CDH10: variants seen among roughly 807,000 people sequenced by gnomAD.
The protein encoded by CDH10 is cadherin-10.
In CDH10, 30 loss-of-function variants were observed where a neutral mutation model predicts 73.1. The ratio of observed to expected loss-of-function variants is 0.41; its 90% CI spans 0.31 to 0.56. The LOEUF (loss-of-function observed/expected upper bound fraction) is 0.56. CDH10 is among the 20% of genes least tolerant of loss of function. The pLI is 0.27. For missense variants in CDH10, 815 were observed against 973.7 expected, an observed-to-expected ratio of 0.84 and a Z score of 2.17; for synonymous variants, 345 against 348.2, an observed-to-expected ratio of 0.99 and a Z score of 0.10.
At chr5:24,518,459 G>A (rs952054283) in intron 5 of CDH10, among the ~76,000 whole-genome samples, 26 of 151,728 alleles carry the variant, frequency 1.7e-4, no homozygotes, top group Non-Finnish European at 7.4e-5. Flanking sequence ...ATATATACAT[G>A]CATATACATA....
In CDH10 at chr5:24,535,256, T is replaced by G. The variant is rs1743910556; in HGVS notation, c.670A>C (p.Asn224His). 6.2e-7 allele frequency: 1 copy of G among 1,613,038 alleles called. No individual in the cohort carries two copies. The highest frequency in any genetic ancestry group is 1.1e-5 in the South Asian group (1 of 90,928). ...ETGIIRTALP[N>H]MNRENREQYQ... ...TGCTCTCTGTTTTCTCTGTTCATGT[T>G]CGGTAAAGCAGTCCTGATGATACCT... Residue 224 changes from asparagine to histidine, a missense_variant, in exon 5 of 12, where the codon AAC (asparagine) becomes CAC (histidine). Coordinates refer to ENST00000264463, the MANE Select transcript of CDH10 (RefSeq NM_006727.5).
chr5:24,606,857 T>C (rs1746780784), intron 1 of CDH10, among the ~76,000 whole-genome samples: 1 of 152,178 alleles, frequency 6.6e-6, no homozygotes, highest in South Asian at 2.1e-4. Context: ...AAATGTTATT[T>C]AGATCAATGG....
chr5:24,559,582 T>C lies in CDH10; in HGVS notation c.232-21908A>G, dbSNP rs530452637. ...AAATGTTTTTGGTCAACTGAAAACA[T>C]GGGAAAAAAGAGAAAAATAGGTTTG... On this transcript the variant is annotated intron_variant, in intron 2 of 11. Transcript: ENST00000264463. Among the ~76,000 whole-genome samples, 4 of 152,052 alleles carry C rather than the reference T, an allele frequency of 2.6e-5. No homozygotes were observed. The East Asian group carries it at 5.8e-4, about 22-fold the overall frequency.
chr5:24,525,477 G>A (rs768289758), intron 5 of CDH10, among the ~76,000 whole-genome samples: 1 of 152,024 alleles, frequency 6.6e-6, no homozygotes, highest in African/African-American at 2.4e-5. Context: ...AATTATGCAC[G>A]TTTATAAACC....
At chr5:24,636,214 T>A (rs1747863470) in intron 1 of CDH10, among the ~76,000 whole-genome samples, 1 of 151,938 alleles carries the variant, frequency 6.6e-6, no homozygotes, top group Non-Finnish European at 1.5e-5. Flanking sequence ...GATGTAAGTA[T>A]AATTATTAAC....
intron 1 of CDH10, among the ~76,000 whole-genome samples, chr5:24,626,014 T>C (rs1381812414): frequency 6.6e-6 from 1 of 152,106 alleles, no homozygotes; most frequent in Non-Finnish European, 1.5e-5. Flanking sequence ...ATAATGTTGC[T>C]GGAACACATG....
intron 1 of CDH10, among the ~76,000 whole-genome samples, chr5:24,618,627 G>C (rs1267085628): frequency 6.6e-6 from 1 of 152,148 alleles, no homozygotes; most frequent in Non-Finnish European, 1.5e-5. Flanking sequence ...AACTGATTAA[G>C]CGAATAGTCC....
intron 2 of CDH10, among the ~76,000 whole-genome samples, chr5:24,539,504 G>T (rs570906956): frequency 1.3e-5 from 2 of 152,018 alleles, no homozygotes; most frequent in South Asian, 4.2e-4. Flanking sequence ...TTTGGTTAAT[G>T]GAAGTAGTAA....
intron 1 of CDH10, among the ~76,000 whole-genome samples, chr5:24,595,558 G>T (rs772755349): frequency 1.3e-5 from 2 of 151,876 alleles, no homozygotes; most frequent in Non-Finnish European, 2.9e-5. Flanking sequence ...AACTCAAATT[G>T]ATTGGATTCT....
At chr5:24,551,179 C>T (rs943486169) in intron 2 of CDH10, among the ~76,000 whole-genome samples, 9 of 152,124 alleles carry the variant, frequency 5.9e-5, no homozygotes, top group Admixed American at 1.3e-4. Context: ...AAATATGCTA[C>T]ACTTATTTCT....
At chr5:24,623,080 T>C (rs1459522429) in intron 1 of CDH10, among the ~76,000 whole-genome samples, 1 of 152,046 alleles carries the variant, frequency 6.6e-6, no homozygotes, top group African/African-American at 2.4e-5. Context: ...CCGCCAGAAA[T>C]GAGAATTATT....
intron 1 of CDH10, among the ~76,000 whole-genome samples, chr5:24,637,453 A>G (rs1239229431): frequency 6.6e-6 from 1 of 151,974 alleles, no homozygotes; most frequent in African/African-American, 2.4e-5. Flanking sequence ...TTAGAGCACA[A>G]CTACTGATAT....
intron 11 of CDH10, 96 bp downstream of exon 11, chr5:24,491,480 G>T (rs2111633959): frequency 4.2e-6 from 4 of 946,180 alleles, no homozygotes; most frequent in Non-Finnish European, 6.4e-6. Context: ...CTTAAAATTT[G>T]GGGTGGTTTT....
chr5:24,566,830 T>G (rs1745181627), intron 2 of CDH10, among the ~76,000 whole-genome samples: 1 of 151,990 alleles, frequency 6.6e-6, no homozygotes, highest in Admixed American at 6.5e-5. Context: ...GCGCTAACTA[T>G]AAAAAAATAA....
chr5:24,623,738 G>C (rs1327623786), intron 1 of CDH10, among the ~76,000 whole-genome samples: 1 of 152,120 alleles, frequency 6.6e-6, no homozygotes, highest in Non-Finnish European at 1.5e-5. Context: ...GCAAGTAGAA[G>C]GCAGTGCTGA....
At chr5:24,494,718 T>C (rs1457747835) in intron 9 of CDH10, among the ~76,000 whole-genome samples, 2 of 152,018 alleles carry the variant, frequency 1.3e-5, no homozygotes, top group Non-Finnish European at 2.9e-5. Flanking sequence ...AAAATTAACA[T>C]TAAAATCTTT....
intron 2 of CDH10, among the ~76,000 whole-genome samples, chr5:24,553,604 T>G (rs1490803472): frequency 6.6e-6 from 1 of 152,200 alleles, no homozygotes; most frequent in Non-Finnish European, 1.5e-5. Context: ...AGACAATTTT[T>G]ATTCTATGTG....
At chr5:24,626,435 G>C (rs951759599) in intron 1 of CDH10, among the ~76,000 whole-genome samples, 3 of 152,100 alleles carry the variant, frequency 2.0e-5, no homozygotes, top group Non-Finnish European at 4.4e-5. Context: ...CGATGGAAAA[G>C]CAGGTCCTAA....
intron 2 of CDH10, among the ~76,000 whole-genome samples, chr5:24,557,997 C>G (rs1266630739): frequency 1.3e-5 from 2 of 151,252 alleles, no homozygotes; most frequent in East Asian, 3.9e-4. Flanking sequence ...AAACAAGAGG[C>G]AAAGTATGAA....
Sources: allele counts gnomAD v4.1 joint callset (sites outside exome capture counted in the v4.1 genomes callset), GRCh38; gene constraint gnomAD v4.1.1; transcripts MANE v1.5; gene names NCBI Gene and HGNC (gene_info 2026-07-23, HGNC 2026-07-21).